Variants in TBC1D19 observed in about 807,000 individuals in gnomAD.
TBC1D19 encodes the protein TBC1 domain family member 19, also known as TBC1 domain family, member 19.
A neutral mutation model predicts 89.0 loss-of-function variants in TBC1D19; 60 were observed. The observed-to-expected ratio is 0.67, with a 90% confidence interval of 0.55 to 0.84. TBC1D19 has a LOEUF of 0.84. Among genes scored for constraint, TBC1D19 ranks in the 40% least tolerant of loss-of-function variants. TBC1D19 has a pLI of 0.00. For synonymous variants in TBC1D19, 189 were observed against 199.7 expected, an observed-to-expected ratio of 0.95 and a Z score of 0.45; for missense variants, 500 against 610.8, an observed-to-expected ratio of 0.82 and a Z score of 1.91.
At chr4:26,640,938 G>C (rs1299273018) in intron 7 of TBC1D19, among the ~76,000 whole-genome samples, 1 of 152,248 alleles carries the variant, frequency 6.6e-6, no homozygotes, top group Non-Finnish European at 1.5e-5. Context: ...AACGAGGCCT[G>C]CCTGCCTCTG....
At chr4:26,850,087 G>A in the TBC1D19 span, among the ~76,000 whole-genome samples, 123 of 152,128 alleles carry the variant, frequency 8.1e-4, 1 homozygote, top group Admixed American at 1.2e-3. Flanking sequence ...CATTTTGTGG[G>A]TTGTATTGTG....
At chr4:26,697,577 C>G (rs141925510) in intron 13 of TBC1D19, among the ~76,000 whole-genome samples, 3 of 151,990 alleles carry the variant, frequency 2.0e-5, no homozygotes, top group Admixed American at 6.6e-5. Flanking sequence ...AATTTTGGAC[C>G]AATATCCCTG....
chr4:26,688,752 C>T (rs1485498326), intron 13 of TBC1D19, among the ~76,000 whole-genome samples: 1 of 151,956 alleles, frequency 6.6e-6, no homozygotes, highest in Non-Finnish European at 1.5e-5. Context: ...TTGCATTATA[C>T]TTTTAAAATT....
chr4:26,741,349 C>T (rs536709944), intron 17 of TBC1D19, among the ~76,000 whole-genome samples: 113 of 115,936 alleles, frequency 9.7e-4, no homozygotes, highest in African/African-American at 3.9e-3. Context: ...GGCGACAGAG[C>T]GAGACTCTGT....
chr4:26,795,073 C>T, the TBC1D19 span, among the ~76,000 whole-genome samples: 2 of 152,232 alleles, frequency 1.3e-5, no homozygotes, highest in Non-Finnish European at 2.9e-5. Flanking sequence ...CTTCCAGTGG[C>T]TTCCACCTCA....
intron 2 of TBC1D19, among the ~76,000 whole-genome samples, chr4:26,613,944 T>C (rs1376567701): frequency 6.6e-6 from 1 of 152,212 alleles, no homozygotes; most frequent in Non-Finnish European, 1.5e-5. Flanking sequence ...AGCTAACTTG[T>C]CTGACTATTG....
intron 13 of TBC1D19, among the ~76,000 whole-genome samples, chr4:26,706,949 A>G (rs1037342738): frequency 6.6e-6 from 1 of 152,032 alleles, no homozygotes; most frequent in Non-Finnish European, 1.5e-5. Flanking sequence ...GACCTAATAT[A>G]TGATCTATCT....
chr4:26,636,811 T>C (rs1310876160), intron 4 of TBC1D19, among the ~76,000 whole-genome samples: 2 of 152,132 alleles, frequency 1.3e-5, no homozygotes, highest in Admixed American at 1.3e-4. Context: ...TTTCTGTACA[T>C]TTTTACCTTT....
chr4:26,834,840 C>G, the TBC1D19 span, among the ~76,000 whole-genome samples: 3 of 152,268 alleles, frequency 2.0e-5, no homozygotes, highest in East Asian at 5.8e-4. Context: ...TTTGATGATG[C>G]TCACATTTAG....
chr4:26,750,239 C>T (rs191789006), intron 19 of TBC1D19, among the ~76,000 whole-genome samples: 4 of 152,266 alleles, frequency 2.6e-5, no homozygotes, highest in Non-Finnish European at 4.4e-5. Context: ...TGTCATTTCT[C>T]AAGTGAGAGA....
intron 13 of TBC1D19, among the ~76,000 whole-genome samples, chr4:26,698,802 C>T (rs907941944): frequency 6.6e-6 from 1 of 152,174 alleles, no homozygotes; most frequent in Admixed American, 6.5e-5. Context: ...GGAAAACTGG[C>T]TAGCCATATG....
At chr4:26,846,252 T>A in the TBC1D19 span, among the ~76,000 whole-genome samples, 3 of 152,230 alleles carry the variant, frequency 2.0e-5, no homozygotes, top group Non-Finnish European at 4.4e-5. Flanking sequence ...ATTGTACACA[T>A]TCAGTTTTAC....
rs869124166 is a variant in TBC1D19 at position 26,590,796 on chromosome 4, G to GTTTTTTTTTTTTTTTTTTTTTTTT, written c.99+6512_99+6535dup. Among the ~76,000 whole-genome samples the GTTTTTTTTTTTTTTTTTTTTTTTT allele has an allele frequency of 7.2e-4, 38 of 52,956 alleles. 5 individuals carry two copies. The highest frequency in any genetic ancestry group is 1.5e-3 in the East Asian group (2 of 1,348). 34.7% of individuals were successfully genotyped at this position (52,956 alleles called of 152,430 possible). ...GGTTCACTCTTTGTCTTGCAGGTCTGTTTTTTTTTTTTTTTTTTTTTTTTT... is the reference window on the plus strand; with the variant it reads ...GGTTCACTCTTTGTCTTGCAGGTCTGTTTTTTTTTTTTTTTTTTTTTTTTTTTTTTTTTTTTTTTTTTTTTTTTT... On this transcript the variant is annotated intron_variant, in intron 1 of 20. Transcript: ENST00000264866.
chr4:26,637,164 T>A, intron 4 of TBC1D19, 47 bp from the exon 5 acceptor site: 1 of 1,314,560 alleles, frequency 7.6e-7, no homozygotes, highest in South Asian at 1.3e-5. Flanking sequence ...TTTATTAGTT[T>A]TAGTATTGTT....
chr4:26,856,796 G>C, the TBC1D19 span, among the ~76,000 whole-genome samples: 4 of 151,744 alleles, frequency 2.6e-5, no homozygotes, highest in Admixed American at 2.6e-4. Flanking sequence ...TAATATTCAT[G>C]TAACACCTCA....
At chr4:26,762,894 CT>C in the TBC1D19 span, among the ~76,000 whole-genome samples, 1 of 152,120 alleles carries the variant, frequency 6.6e-6, no homozygotes, top group Admixed American at 6.5e-5. Flanking sequence ...TCCCATGACC[CT>C]CCAGAAGGAA....
chr4:26,605,202 C>A (rs949182912), intron 1 of TBC1D19, among the ~76,000 whole-genome samples: 1 of 110,392 alleles, frequency 9.1e-6, no homozygotes, highest in Non-Finnish European at 1.8e-5. Flanking sequence ...ATCCCTCCCC[C>A]CTCCCCCCAC....
intron 1 of TBC1D19, among the ~76,000 whole-genome samples, chr4:26,595,307 A>AT (rs1740139448): frequency 6.6e-6 from 1 of 152,086 alleles, no homozygotes; most frequent in African/African-American, 2.4e-5. Context: ...AGTTTTAAGA[A>AT]TTTTTTGTAT....
intron 13 of TBC1D19, among the ~76,000 whole-genome samples, chr4:26,690,520 C>T (rs1714180537): frequency 6.6e-6 from 1 of 152,164 alleles, no homozygotes; most frequent in African/African-American, 2.4e-5. Flanking sequence ...GGGGCGAATG[C>T]AGCTGGTATC....
Sources: gnomAD v4.1 joint callset for allele counts (sites outside exome capture counted in the v4.1 genomes callset) on GRCh38, gnomAD v4.1.1 for gene constraint, MANE v1.5 for transcripts, NCBI Gene and HGNC (gene_info 2026-07-23, HGNC 2026-07-21) for gene names.